The following MSRA variants were observed in gnomAD, a reference collection of about 807,000 sequenced individuals.
MSRA encodes methionine sulfoxide reductase A, also known as mitochondrial peptide methionine sulfoxide reductase.
A neutral mutation model predicts 31.3 loss-of-function variants in MSRA; 54 were observed. The observed-to-expected ratio is 1.73, with a 90% CI of 1.39 to 2.17. The LOEUF (loss-of-function observed/expected upper bound fraction) is 2.17. Ranked by LOEUF, MSRA falls within the 30% of genes most tolerant of loss-of-function variation. The pLI is 0.00. For synonymous variants in MSRA, 169 were observed against 116.5 expected (o/e 1.45, Z -2.90); for missense variants, 507 against 300.9 (o/e 1.69, Z -5.07).
chr8:10,375,497 C>G (rs1463695234), intron 5 of MSRA, among the ~76,000 whole-genome samples: 1 of 152,154 alleles, frequency 6.6e-6, no homozygotes, highest in African/African-American at 2.4e-5. Flanking sequence ...CTGTGGGTGC[C>G]TCGAGAAGAA....
intron 3 of MSRA, among the ~76,000 whole-genome samples, chr8:10,285,132 C>T: frequency 6.6e-6 from 1 of 152,014 alleles, no homozygotes; most frequent in East Asian, 1.9e-4. Context: ...GTCGTGCAGT[C>T]ATCACCACCA....
Position 10,422,737 on chromosome 8 carries a change from G to C in MSRA, c.544-5411G>C, listed in dbSNP as rs1808886928. On this transcript the variant is annotated intron_variant, in intron 5 of 5. Transcript: ENST00000317173. Reference sequence around the variant, plus strand: ...AGACTGGCTGTCAGTACAGCCCTGGGGGTACCTGGCCCCACAGGCTGCAGT... The same window carrying C: ...AGACTGGCTGTCAGTACAGCCCTGGCGGTACCTGGCCCCACAGGCTGCAGT... Among the ~76,000 whole-genome samples the C allele has an allele frequency of 2.0e-5, 3 of 152,182 alleles. No homozygotes were observed. In the South Asian group the frequency reaches 6.2e-4, roughly 31 times the overall value.
At chr8:10,279,799 T>A (rs921500494) in intron 3 of MSRA, among the ~76,000 whole-genome samples, 1 of 152,238 alleles carries the variant, frequency 6.6e-6, no homozygotes, top group Non-Finnish European at 1.5e-5. Context: ...CATTATGCCA[T>A]CACTGACTTC....
At chr8:10,320,226 T>TG (rs1024260653) in intron 5 of MSRA, 4 of 311,494 alleles carry the variant, frequency 1.3e-5, no homozygotes, top group Non-Finnish European at 2.4e-5. Context: ...CCCAGTACTT[T>TG]GGGGGGCCGA....
chr8:10,368,248 G>T (rs573498453), intron 5 of MSRA, among the ~76,000 whole-genome samples: 4 of 152,142 alleles, frequency 2.6e-5, no homozygotes, highest in Admixed American at 2.0e-4. Flanking sequence ...TACTTTTAAC[G>T]CATTTTTACA....
chr8:10,310,579 T>TCA (rs1801380709), intron 4 of MSRA, among the ~76,000 whole-genome samples: 1 of 152,252 alleles, frequency 6.6e-6, no homozygotes, highest in Admixed American at 6.5e-5. Flanking sequence ...TTTCCTGAGC[T>TCA]GTGCGCAATG....
At chr8:10,227,128 A>G (rs1811069633) in intron 2 of MSRA, among the ~76,000 whole-genome samples, 1 of 152,208 alleles carries the variant, frequency 6.6e-6, no homozygotes, top group Admixed American at 6.5e-5. Flanking sequence ...GAGAGCAGAT[A>G]GTGAGTAGAT....
At chr8:10,165,801 G>T (rs1281650448) in intron 1 of MSRA, among the ~76,000 whole-genome samples, 3 of 152,172 alleles carry the variant, frequency 2.0e-5, no homozygotes, top group African/African-American at 4.8e-5. Context: ...CGGGTGAAAA[G>T]CTTGCTGACA....
intron 5 of MSRA, among the ~76,000 whole-genome samples, chr8:10,349,499 T>G (rs924637342): frequency 6.6e-6 from 1 of 152,190 alleles, no homozygotes; most frequent in African/African-American, 2.4e-5. Flanking sequence ...ATTGCTTTTC[T>G]CCTCTGCTTC....
chr8:10,342,957 A>C (rs1232965259), intron 5 of MSRA, among the ~76,000 whole-genome samples: 2 of 151,986 alleles, frequency 1.3e-5, no homozygotes, highest in Non-Finnish European at 2.9e-5. Context: ...GCTGCTTCAT[A>C]GGCTTGCTGG....
intron 1 of MSRA, among the ~76,000 whole-genome samples, chr8:10,087,033 G>T (rs1045358312): frequency 5.3e-5 from 8 of 152,146 alleles, no homozygotes; most frequent in African/African-American, 1.9e-4. Context: ...TGACACCAGG[G>T]AGGCAACATG....
At chr8:10,093,346 GTTAT>G (rs1798952212) in intron 1 of MSRA, among the ~76,000 whole-genome samples, 1 of 151,836 alleles carries the variant, frequency 6.6e-6, no homozygotes, top group African/African-American at 2.4e-5. Flanking sequence ...ATGTTTTTGA[GTTAT>G]TTGCTTAGTG....
intron 1 of MSRA, 133 bp from the exon 2 acceptor site, chr8:10,207,700 T>C: frequency 1.4e-6 from 1 of 694,750 alleles, no homozygotes; most frequent in Non-Finnish European, 2.3e-6. Context: ...TAATTGAAGC[T>C]CTCTTCAGAG....
intron 3 of MSRA, among the ~76,000 whole-genome samples, chr8:10,298,348 C>T (rs111748431): frequency 0.1 from 15,910 of 152,062 alleles, 901 homozygotes; most frequent in South Asian, 0.16. Flanking sequence ...GAGGACATTA[C>T]GCCGAGTTAA....
intron 1 of MSRA, among the ~76,000 whole-genome samples, chr8:10,098,271 TATA>T (rs1158942932): frequency 3.3e-5 from 5 of 152,208 alleles, no homozygotes; most frequent in Non-Finnish European, 5.9e-5. Flanking sequence ...GTTTGAATTG[TATA>T]ATATTTTGAA....
intron 1 of MSRA, among the ~76,000 whole-genome samples, chr8:10,194,153 CT>C (rs1342733832): frequency 6.6e-6 from 1 of 152,168 alleles, no homozygotes; most frequent in African/African-American, 2.4e-5. Flanking sequence ...CACTCTCCCC[CT>C]CTCTCCTCCA....
At position 10,412,509 on chromosome 8, in the gene MSRA, G is replaced by A. The variant is rs546412622; in HGVS notation, c.544-15639G>A. ...CAGGTATAGAACGAAGATGCTCAACGGGAGCATACCAGAATCATGGGACAG... is the reference window on the plus strand; with the variant it reads ...CAGGTATAGAACGAAGATGCTCAACAGGAGCATACCAGAATCATGGGACAG... On this transcript the variant is annotated intron_variant, in intron 5 of 5. Coordinates refer to ENST00000317173, the MANE Select transcript of MSRA (RefSeq NM_012331.5). 5.3e-5 allele frequency among the ~76,000 whole-genome samples: 8 copies of A among 152,306 alleles called. No homozygotes were observed. The South Asian group carries it at 1.2e-3, about 24-fold the overall frequency.
intron 5 of MSRA, among the ~76,000 whole-genome samples, chr8:10,420,264 C>G (rs1808729136): frequency 6.6e-6 from 1 of 151,544 alleles, no homozygotes; most frequent in African/African-American, 2.4e-5. Flanking sequence ...ATGGGGGTTG[C>G]CCGGGGCTGG....
chr8:10,064,342 C>G (rs1225764542), intron 1 of MSRA, among the ~76,000 whole-genome samples: 2 of 152,072 alleles, frequency 1.3e-5, no homozygotes, highest in Non-Finnish European at 2.9e-5. Context: ...TGAAAGGGGA[C>G]ATAGGCTTTT....
Sources: allele counts gnomAD v4.1 joint callset (sites outside exome capture counted in the v4.1 genomes callset), GRCh38; gene constraint gnomAD v4.1.1; transcripts MANE v1.5; gene names NCBI Gene and HGNC (gene_info 2026-07-23, HGNC 2026-07-21).